The following WIF1 variants were observed in gnomAD, a reference collection of about 807,000 sequenced individuals.
The protein encoded by WIF1 is Wnt inhibitory factor 1.
WIF1 carries 35 observed loss-of-function variants against 53.5 expected under a neutral mutation model. That is an observed-to-expected ratio of 0.65 (90% CI 0.50 to 0.87). The LOEUF (loss-of-function observed/expected upper bound fraction) is 0.87. Among genes scored for constraint, WIF1 ranks in the 40% least tolerant of loss-of-function variants. WIF1 has a pLI of 0.00. For synonymous variants in WIF1, 171 were observed against 170.4 expected (o/e 1.00, Z -0.03); for missense variants, 467 against 476.8 (o/e 0.98, Z 0.19).
chr12:65,120,303 A>T, intron 2 of WIF1, 114 bp downstream of exon 2: 1 of 1,113,766 alleles, frequency 9.0e-7, no homozygotes, highest in East Asian at 2.6e-5. Context: ...TGGCAATCAG[A>T]TGAGAAATTT....
chr12:65,072,985 A>T (rs1237615826), intron 3 of WIF1, among the ~76,000 whole-genome samples: 8 of 152,230 alleles, frequency 5.3e-5, no homozygotes, highest in Non-Finnish European at 1.2e-4. Context: ...AATTGATTGC[A>T]CATCAACTAA....
chr12:65,077,745 C>T lies in WIF1; in HGVS notation c.397+1G>A, dbSNP rs1882885718. The T allele has an allele frequency of 1.2e-6, 2 of 1,610,106 alleles. No individual in the cohort carries two copies. The highest frequency in any genetic ancestry group is 2.7e-5 in the African/African-American group (2 of 74,934). The stretch of plus-strand genomic sequence containing the variant: ...CCTTTCTTCAGGCAAAGACCACCCA[C>T]CTGATGCCTTGTGAGGCACTGTTCC... On this transcript the variant is annotated splice_donor_variant, in intron 3 of 9. Coordinates refer to ENST00000286574, the MANE Select transcript of WIF1 (RefSeq NM_007191.5). LOFTEE classifies it high-confidence loss of function.
intron 2 of WIF1, among the ~76,000 whole-genome samples, chr12:65,092,448 G>GTA (rs1379437888): frequency 2.8e-5 from 4 of 145,376 alleles, no homozygotes; most frequent in East Asian, 2.0e-4. Flanking sequence ...ATATATATAT[G>GTA]TATATATATA....
At chr12:65,071,710 C>T (rs1047295975) in intron 3 of WIF1, among the ~76,000 whole-genome samples, 1 of 152,126 alleles carries the variant, frequency 6.6e-6, no homozygotes, top group African/African-American at 2.4e-5. Flanking sequence ...TAAGTTTTAC[C>T]TGCACATTTC....
intron 2 of WIF1, chr12:65,083,841 C>CTTTTCTTTTCTTTTCTT (rs1555186923): frequency 3.4e-6 from 1 of 297,542 alleles, no homozygotes. Context: ...CTTTTCTTTT[C>CTTTTCTTTTCTTTTCTT]TTTTCTTTTC....
intron 2 of WIF1, among the ~76,000 whole-genome samples, chr12:65,108,575 T>C (rs1748777011): frequency 6.6e-6 from 1 of 152,206 alleles, no homozygotes; most frequent in Non-Finnish European, 1.5e-5. Flanking sequence ...GTCATCTCTA[T>C]TCCCTCATTT....
intron 1 of WIF1, 21 bp from the exon 2 acceptor site, chr12:65,120,577 A>T (rs1326946906): frequency 9.4e-6 from 15 of 1,600,716 alleles, no homozygotes; most frequent in Non-Finnish European, 1.3e-5. Context: ...AAATAATAAA[A>T]CGATCAAACC....
At chr12:65,077,682 C>T in intron 3 of WIF1, 64 bp downstream of exon 3, 2 of 1,213,564 alleles carry the variant, frequency 1.6e-6, no homozygotes, top group Non-Finnish European at 2.4e-6. Flanking sequence ...ACATTTGCAT[C>T]TTAAATATTC....
intron 2 of WIF1, among the ~76,000 whole-genome samples, chr12:65,114,674 C>T (rs1883482773): frequency 6.6e-6 from 1 of 152,140 alleles, no homozygotes; most frequent in East Asian, 1.9e-4. Context: ...GATACGCTCT[C>T]TCTTGAGCAT....
At chr12:65,071,103 A>G (rs1420283357) in intron 3 of WIF1, among the ~76,000 whole-genome samples, 1 of 151,738 alleles carries the variant, frequency 6.6e-6, no homozygotes, top group African/African-American at 2.4e-5. Context: ...GTGTGTTGGC[A>G]TATATCCATA....
At chr12:65,119,903 G>A (rs982589785) in intron 2 of WIF1, among the ~76,000 whole-genome samples, 2 of 152,116 alleles carry the variant, frequency 1.3e-5, no homozygotes, top group Non-Finnish European at 2.9e-5. Flanking sequence ...ATTTTATAAC[G>A]TTCTTACATG....
chr12:65,094,582 A>C (rs1293766267), intron 2 of WIF1, among the ~76,000 whole-genome samples: 2 of 152,196 alleles, frequency 1.3e-5, no homozygotes, highest in African/African-American at 2.4e-5. Context: ...CAAAACCAAC[A>C]GAATTTTCTG....
At chr12:65,094,491 A>T (rs1382515233) in intron 2 of WIF1, among the ~76,000 whole-genome samples, 1 of 152,192 alleles carries the variant, frequency 6.6e-6, no homozygotes, top group African/African-American at 2.4e-5. Flanking sequence ...AAATTGCATT[A>T]TTAGCAAATT....
At position 65,120,437 on chromosome 12, in the gene WIF1, T is replaced by TA. The variant is rs1883583069; in HGVS notation, c.267dup (p.Thr90TyrfsTer13). The stretch of plus-strand genomic sequence containing the variant: ...CTTACCTGCCCTGCAGCTTGCCAGG[T>TA]AAAATTCATGGAATGGATATTGACA... On this transcript the variant is annotated frameshift_variant, in exon 2 of 10. Transcript: ENST00000286574. LOFTEE classifies it high-confidence loss of function. The TA allele has an allele frequency of 6.2e-7, 1 of 1,613,402 alleles. No individual in the cohort carries two copies. The highest frequency in any genetic ancestry group is 8.5e-7 in the Non-Finnish European group (1 of 1,179,870).
intron 7 of WIF1, among the ~76,000 whole-genome samples, chr12:65,058,442 A>T (rs1420816949): frequency 3.9e-5 from 6 of 152,158 alleles, no homozygotes; most frequent in African/African-American, 1.4e-4. Flanking sequence ...AACTTCAAGA[A>T]GTTTTTTGTT....
intron 6 of WIF1, among the ~76,000 whole-genome samples, chr12:65,064,674 G>T (rs1212095883): frequency 6.6e-6 from 1 of 151,986 alleles, no homozygotes; most frequent in Non-Finnish European, 1.5e-5. Context: ...AATTACTGGA[G>T]TCTGATGAGT....
intron 2 of WIF1, chr12:65,083,690 G>A (rs74099736): frequency 0.015 from 4,803 of 323,236 alleles, 231 homozygotes; most frequent in African/African-American, 0.1. Context: ...TGTGCATGGA[G>A]CCTGGTTCAT....
intron 2 of WIF1, chr12:65,083,690 G>C (rs74099736): frequency 3.1e-6 from 1 of 323,250 alleles, no homozygotes; most frequent in African/African-American, 2.3e-5. Flanking sequence ...TGTGCATGGA[G>C]CCTGGTTCAT....
At position 65,121,237 on chromosome 12, in the gene WIF1, C is replaced by T; in HGVS notation, c.-46G>A. On this transcript the variant is annotated 5_prime_UTR_variant, in exon 1 of 10. In the 5' UTR this introduces an upstream ATG that the reference lacks. Coordinates refer to ENST00000286574, the MANE Select transcript of WIF1 (RefSeq NM_007191.5). ...TGCCGGGAAAACTCCTCGTGCCGCA[C>T]CTACGCAACCTGGCGCCGTCAGATA... The T allele has an allele frequency of 7.2e-7, 1 of 1,393,608 alleles. No individual in the cohort carries two copies. The highest frequency in any genetic ancestry group is 9.4e-7 in the Non-Finnish European group (1 of 1,063,692). 86.3% of individuals were successfully genotyped at this position (1,393,608 alleles called of 1,614,324 possible).
Sources: gnomAD v4.1 joint callset for allele counts (sites outside exome capture counted in the v4.1 genomes callset) on GRCh38, gnomAD v4.1.1 for gene constraint, MANE v1.5 for transcripts, NCBI Gene and HGNC (gene_info 2026-07-23, HGNC 2026-07-21) for gene names.